The following CDC42BPA variants were observed in gnomAD, a reference collection of about 807,000 sequenced individuals.
CDC42BPA encodes CDC42 binding protein kinase alpha, also known as serine/threonine-protein kinase MRCK alpha.
A neutral mutation model predicts 223.5 loss-of-function variants in CDC42BPA; 80 were observed. The ratio of observed to expected loss-of-function variants is 0.36; its 90% CI spans 0.30 to 0.43. The LOEUF (loss-of-function observed/expected upper bound fraction) is 0.43. Among genes scored for constraint, CDC42BPA ranks in the 20% least tolerant of loss-of-function variants. The pLI is 1.00. For missense variants in CDC42BPA, 1,743 were observed against 2,099.9 expected (o/e 0.83, Z 3.32); for synonymous variants, 694 against 718.6 (o/e 0.97, Z 0.55).
intron 14 of CDC42BPA, among the ~76,000 whole-genome samples, chr1:227,109,809 C>T (rs927860252): frequency 2.0e-5 from 3 of 151,260 alleles, no homozygotes; most frequent in African/African-American, 4.9e-5. Context: ...ATCATCAAGA[C>T]GTTACTAGAT....
intron 6 of CDC42BPA, among the ~76,000 whole-genome samples, chr1:227,158,488 AT>A (rs1663238846): frequency 1.3e-5 from 2 of 152,202 alleles, no homozygotes; most frequent in African/African-American, 4.8e-5. Context: ...ACATAAAAAA[AT>A]TACTGACTGA....
intron 5 of CDC42BPA, among the ~76,000 whole-genome samples, chr1:227,161,007 A>G (rs1663788340): frequency 6.6e-6 from 1 of 152,220 alleles, no homozygotes; most frequent in South Asian, 2.1e-4. Context: ...AGCCCATGAA[A>G]CTGGACAGGG....
rs763568333 is a variant in CDC42BPA, at chr1:227,101,047, G to C, written c.2194C>G (p.Leu732Val). 6.4e-7 allele frequency: 1 copy of C among 1,561,214 alleles called. No homozygotes were observed. The highest frequency in any genetic ancestry group is 1.1e-5 in the South Asian group (1 of 89,028). The change falls in exon 15 of 37, where the codon CTC becomes GTC. Residue 732 changes from leucine to valine, a missense_variant. Coordinates refer to ENST00000366766, the MANE Select transcript of CDC42BPA (RefSeq NM_001394014.1). ...TTTAAAATCATAATTTCTTTGTTGAGAGCAAGTTGCTGACCTTCTGAATCA... is the reference window on the plus strand; with the variant it reads ...TTTAAAATCATAATTTCTTTGTTGACAGCAAGTTGCTGACCTTCTGAATCA... ...LHDSEGQQLA[L>V]NKEIMILKDK...
intron 2 of CDC42BPA, among the ~76,000 whole-genome samples, chr1:227,245,799 T>C (rs1204681346): frequency 2.0e-5 from 3 of 152,132 alleles, no homozygotes; most frequent in Non-Finnish European, 2.9e-5. Context: ...GGGCAATGAA[T>C]TGCCACTGGG....
At chr1:227,125,884 TTAAAA>T (rs1398380222) in intron 11 of CDC42BPA, among the ~76,000 whole-genome samples, 2 of 152,162 alleles carry the variant, frequency 1.3e-5, no homozygotes, top group African/African-American at 4.8e-5. Flanking sequence ...TAATTTTACT[TTAAAA>T]TAAATCATAA....
rs73096340 is a variant in CDC42BPA at position 227,244,421 on chromosome 1, C to T, written c.270+9643G>A. Among the ~76,000 whole-genome samples the T allele has an allele frequency of 6.4e-3, 956 of 150,476 alleles. 14 individuals are homozygous for T. The highest frequency in any genetic ancestry group is 0.022 in the African/African-American group (911 of 40,588). On this transcript the variant is annotated intron_variant, in intron 2 of 36. Coordinates refer to ENST00000366766, the MANE Select transcript of CDC42BPA (RefSeq NM_001394014.1). ...ATTACATAATTCCATTAACATAAAA[C>T]TCAAAAACAAGCAAAAAAAATCTAT...
At chr1:227,233,725 G>A (rs1198713419) in intron 2 of CDC42BPA, among the ~76,000 whole-genome samples, 1 of 152,134 alleles carries the variant, frequency 6.6e-6, no homozygotes, top group African/African-American at 2.4e-5. Context: ...CTGAGGTCAG[G>A]AGTTTGAGAT....
At chr1:227,216,830 A>T (rs796350884) in intron 2 of CDC42BPA, among the ~76,000 whole-genome samples, 3 of 152,330 alleles carry the variant, frequency 2.0e-5, no homozygotes, top group African/African-American at 7.2e-5. Context: ...TATATTTTTA[A>T]AAACACTAGC....
At chr1:227,220,793 C>A (rs996942863) in intron 2 of CDC42BPA, among the ~76,000 whole-genome samples, 6 of 152,096 alleles carry the variant, frequency 3.9e-5, no homozygotes, top group Admixed American at 3.3e-4. Flanking sequence ...TTAAAAATTT[C>A]TTTCCTGCTT....
At chr1:227,292,330 A>T (rs1009296721) in intron 1 of CDC42BPA, among the ~76,000 whole-genome samples, 1 of 152,192 alleles carries the variant, frequency 6.6e-6, no homozygotes, top group Non-Finnish European at 1.5e-5. Context: ...GAAATCAAAA[A>T]TGATTAATTT....
intron 10 of CDC42BPA, among the ~76,000 whole-genome samples, chr1:227,137,414 A>C (rs1658802742): frequency 6.6e-6 from 1 of 152,124 alleles, no homozygotes. Context: ...TATTAGTAGA[A>C]CTATATATTG....
intron 23 of CDC42BPA, among the ~76,000 whole-genome samples, chr1:227,046,023 C>T (rs141995171): frequency 1.3e-3 from 203 of 152,176 alleles, no homozygotes; most frequent in Non-Finnish European, 2.5e-3. Flanking sequence ...CCAGGTAGGT[C>T]TCGAACTCCT....
At chr1:227,211,592 AT>A (rs1468383716) in intron 3 of CDC42BPA, among the ~76,000 whole-genome samples, 15 of 152,178 alleles carry the variant, frequency 9.9e-5, no homozygotes, top group Admixed American at 8.5e-4. Flanking sequence ...ATACACATAA[AT>A]AAATATATGA....
chr1:226,993,246 A>C lies in CDC42BPA; in HGVS notation c.*1022T>G, dbSNP rs3795445. ...TTCAGAAGCTACAACACTCCTTGTA[A>C]CCTTTCAGATGGAAGGGATCAGAGG... On this transcript the variant is annotated 3_prime_UTR_variant, in exon 37 of 37. Transcript: ENST00000366766. 0.4 allele frequency: 61,448 copies of C among 152,152 alleles called. 13,290 individuals carry two copies. The highest frequency in any genetic ancestry group is 0.5 in the Non-Finnish European group (34,129 of 67,972). 9.4% of individuals were successfully genotyped at this position (152,152 alleles called of 1,614,324 possible).
At chr1:227,272,534 T>C (rs966635206) in intron 1 of CDC42BPA, among the ~76,000 whole-genome samples, 3 of 152,126 alleles carry the variant, frequency 2.0e-5, no homozygotes, top group Non-Finnish European at 4.4e-5. Context: ...AAGGAGCTCT[T>C]ACAATATAGT....
At chr1:227,221,979 CT>C (rs1209272387) in intron 2 of CDC42BPA, among the ~76,000 whole-genome samples, 6 of 144,134 alleles carry the variant, frequency 4.2e-5, no homozygotes, top group African/African-American at 1.5e-4. Flanking sequence ...CTTTGGGAGG[CT>C]GCAGAGGGAA....
intron 1 of CDC42BPA, among the ~76,000 whole-genome samples, chr1:227,262,057 T>TA (rs1310200301): frequency 6.6e-6 from 1 of 151,604 alleles, no homozygotes; most frequent in East Asian, 1.9e-4. Flanking sequence ...GAAAAAAAAT[T>TA]AAACTAAATG....
In CDC42BPA at chr1:227,035,467, T is replaced by C; in HGVS notation, c.3336+4A>G. On this transcript the variant is annotated splice_donor_region_variant and intron_variant, in intron 25 of 36. Transcript: ENST00000366766. ...TAATCTAAACCCAACTTAATCATAC[T>C]TACCCTGACATGACCTTCATATGCT... 6.2e-7 allele frequency: 1 copy of C among 1,603,674 alleles called. No individual in the cohort carries two copies. Among genetic ancestry groups the C allele is most frequent in the Non-Finnish European group, 8.5e-7 (1 of 1,176,304 alleles).
chr1:227,238,412 A>C (rs1280838684), intron 2 of CDC42BPA, among the ~76,000 whole-genome samples: 2 of 152,150 alleles, frequency 1.3e-5, no homozygotes, highest in African/African-American at 4.8e-5. Flanking sequence ...CCTGAAGGTC[A>C]AATCTGGTCC....
Sources: gnomAD v4.1 joint callset for allele counts (sites outside exome capture counted in the v4.1 genomes callset) on GRCh38, gnomAD v4.1.1 for gene constraint, MANE v1.5 for transcripts, NCBI Gene and HGNC (gene_info 2026-07-23, HGNC 2026-07-21) for gene names.